Variants in CLHC1 observed in about 807,000 individuals in gnomAD.
The protein encoded by CLHC1 is clathrin heavy chain linker domain-containing protein 1.
In CLHC1, 72 loss-of-function variants were observed where a neutral mutation model predicts 69.5. The ratio of observed to expected loss-of-function variants is 1.04; its 90% CI spans 0.86 to 1.26. CLHC1 has a LOEUF of 1.26. CLHC1 is among the 50% of genes most tolerant of loss of function. The pLI is 0.00. For missense variants in CLHC1, 790 were observed against 679.3 expected, an observed-to-expected ratio of 1.16 and a Z score of -1.81; for synonymous variants, 223 against 224.3, an observed-to-expected ratio of 0.99 and a Z score of 0.05.
intron 7 of CLHC1, 42 bp downstream of exon 7, chr2:55,209,362 T>C: frequency 8.0e-7 from 1 of 1,255,114 alleles, no homozygotes. Flanking sequence ...GAAAAAAATG[T>C]CTTCCATTAT....
At chr2:55,217,586 C>A (rs1280413078) in intron 4 of CLHC1, among the ~76,000 whole-genome samples, 12 of 75,172 alleles carry the variant, frequency 1.6e-4, no homozygotes, top group African/African-American at 2.4e-4. Context: ...TATATATATA[C>A]TAAGAGGTAC....
rs186503748 is a variant in CLHC1 at position 55,224,370 on chromosome 2, G to A, written c.-82-1877C>T. ...CTCCCTCCTGCTACTTGGGGCAGAAGCTCCCCCGACACCCAGTGGATGGTC... is the reference window on the plus strand; with the variant it reads ...CTCCCTCCTGCTACTTGGGGCAGAAACTCCCCCGACACCCAGTGGATGGTC... On this transcript the variant is annotated intron_variant, in intron 2 of 12. Transcript: ENST00000401408. The A allele has an allele frequency of 8.8e-4, 388 of 442,112 alleles. 1 individual carries two copies. The highest frequency in any genetic ancestry group is 7.3e-3 in the African/African-American group (361 of 49,542). 27.4% of individuals were successfully genotyped at this position (442,112 alleles called of 1,614,324 possible). A position where few individuals can be genotyped will look rare whatever the true frequency, so the allele number is the denominator to read the frequency against.
At chr2:55,176,049 T>A (rs1558436977) in intron 12 of CLHC1, 63 bp from the exon 13 acceptor site, 1 of 1,338,538 alleles carries the variant, frequency 7.5e-7, no homozygotes, top group South Asian at 1.3e-5. Flanking sequence ...CTTTAGTGAT[T>A]CTTCAAAAAT....
chr2:55,173,278 G>C lies in CLHC1; in HGVS notation c.*2512C>G, dbSNP rs1222074036. 3.9e-5 allele frequency among the ~76,000 whole-genome samples: 6 copies of C among 152,216 alleles called. No homozygotes were observed. The highest frequency in any genetic ancestry group is 1.4e-4 in the African/African-American group (6 of 41,456). On this transcript the variant is annotated 3_prime_UTR_variant, in exon 13 of 13. Coordinates refer to ENST00000401408, the MANE Select transcript of CLHC1 (RefSeq NM_152385.4). ...ACTGGTGAAATTTGAATATGGACTG[G>C]CTATTAGATAATGCTAAGGAATTAT...
In CLHC1 at chr2:55,181,735, T is replaced by C; in HGVS notation, c.1016A>G (p.Lys339Arg). Residue 339 changes from lysine to arginine, a missense_variant, in exon 10 of 13, where the codon AAA becomes AGA. By Grantham distance (26) the Lys-to-Arg change is conservative. Transcript: ENST00000401408. ...TAATGGAAGAGGCTTTCCTCTAATT[T>C]TTCCAACAGCTACAGAAAGGAGAAA... ...GTMNTFKAVGKIRGKPLPLLL... is the reference protein window; with the variant it reads ...GTMNTFKAVGRIRGKPLPLLL... 2.5e-6 allele frequency: 4 copies of C among 1,611,240 alleles called. No homozygotes were observed. Among genetic ancestry groups the C allele is most frequent in the Non-Finnish European group, 2.5e-6 (3 of 1,179,286 alleles).
intron 12 of CLHC1, among the ~76,000 whole-genome samples, chr2:55,176,985 C>T (rs1558438387): frequency 6.6e-6 from 1 of 152,112 alleles, no homozygotes. Context: ...GCGATCCTTC[C>T]ACCTCATCCT....
At chr2:55,199,140 A>G (rs1035756833) in intron 9 of CLHC1, among the ~76,000 whole-genome samples, 1 of 151,794 alleles carries the variant, frequency 6.6e-6, no homozygotes, top group Non-Finnish European at 1.5e-5. Flanking sequence ...CTACTAAAAT[A>G]CAAAAAACTA....
intron 9 of CLHC1, among the ~76,000 whole-genome samples, chr2:55,202,897 C>CAAA (rs34307486): frequency 1.1e-5 from 1 of 93,398 alleles, no homozygotes; most frequent in African/African-American, 3.7e-5. Flanking sequence ...AGACTCATCT[C>CAAA]AAAAAAAAAA....
chr2:55,226,736 A>T (rs1292704879), intron 2 of CLHC1, among the ~76,000 whole-genome samples: 1 of 152,224 alleles, frequency 6.6e-6, no homozygotes, highest in Non-Finnish European at 1.5e-5. Context: ...AATTCAAGTG[A>T]TTCTCCTGCC....
At chr2:55,181,804 A>G (rs1436448933) in intron 9 of CLHC1, 60 bp from the exon 10 acceptor site, 1 of 1,280,554 alleles carries the variant, frequency 7.8e-7, no homozygotes, top group Non-Finnish European at 1.1e-6. Context: ...GCTTTTTCTT[A>G]TCTCATATTA....
At chr2:55,212,280 A>C (rs768901442) in intron 5 of CLHC1, among the ~76,000 whole-genome samples, 4 of 152,194 alleles carry the variant, frequency 2.6e-5, no homozygotes, top group Non-Finnish European at 5.9e-5. Context: ...TAGGTCTCAA[A>C]AAAGAAAAGA....
chr2:55,181,487 T>C (rs1249021246), intron 10 of CLHC1, 83 bp downstream of exon 10: 10 of 1,068,546 alleles, frequency 9.4e-6, no homozygotes, highest in Non-Finnish European at 1.2e-5. Context: ...AAGTAACATA[T>C]TGATAAAGCT....
intron 9 of CLHC1, among the ~76,000 whole-genome samples, chr2:55,190,766 T>G (rs1279566933): frequency 6.6e-6 from 1 of 152,192 alleles, no homozygotes; most frequent in Non-Finnish European, 1.5e-5. Flanking sequence ...CTGACATCCC[T>G]GAATCGGTGA....
chr2:55,214,822 T>G (rs937222394), intron 4 of CLHC1: 3 of 152,188 alleles, frequency 2.0e-5, no homozygotes, highest in Non-Finnish European at 4.4e-5. Flanking sequence ...AACAGATGAA[T>G]GGATAAACAA....
rs77983656 is a variant in CLHC1 at position 55,230,322 on chromosome 2, A to C, written c.-256+1901T>G. On this transcript the variant is annotated intron_variant, in intron 1 of 12. Coordinates refer to ENST00000401408, the MANE Select transcript of CLHC1 (RefSeq NM_152385.4). Reference sequence around the variant, plus strand: ...AAAGAACAGTCAAGGATAATCATAAAGTTTTTGGCCTTAGTGACTGGAGAA... The same window carrying C: ...AAAGAACAGTCAAGGATAATCATAACGTTTTTGGCCTTAGTGACTGGAGAA... Among the ~76,000 whole-genome samples the C allele has an allele frequency of 2.2e-3, 338 of 152,314 alleles. 2 individuals are homozygous for C. Among genetic ancestry groups the C allele is most frequent in the African/African-American group, 7.9e-3 (329 of 41,570 alleles).
intron 9 of CLHC1, among the ~76,000 whole-genome samples, chr2:55,195,673 G>A (rs1671344738): frequency 6.6e-6 from 1 of 152,050 alleles, no homozygotes; most frequent in Non-Finnish European, 1.5e-5. Context: ...ATGGTGGCAG[G>A]CACCTGTAAT....
intron 4 of CLHC1, among the ~76,000 whole-genome samples, chr2:55,213,644 G>C (rs901921181): frequency 1.3e-5 from 2 of 152,162 alleles, no homozygotes; most frequent in African/African-American, 4.8e-5. Flanking sequence ...AAGACCAAAA[G>C]GTAGTATAAA....
At chr2:55,217,638 T>G (rs1203095345) in intron 4 of CLHC1, among the ~76,000 whole-genome samples, 173 bp downstream of exon 4, 1 of 136,398 alleles carries the variant, frequency 7.3e-6, no homozygotes. Flanking sequence ...TTAATTGAAG[T>G]AAGTAAACAA....
At chr2:55,195,626 AC>A (rs1272300461) in intron 9 of CLHC1, among the ~76,000 whole-genome samples, 1 of 152,044 alleles carries the variant, frequency 6.6e-6, no homozygotes, top group Non-Finnish European at 1.5e-5. Flanking sequence ...ACATGGTGAA[AC>A]CCCATCTCTA....
Sources: gnomAD v4.1 joint callset for allele counts (sites outside exome capture counted in the v4.1 genomes callset) on GRCh38, gnomAD v4.1.1 for gene constraint, MANE v1.5 for transcripts, NCBI Gene and HGNC (gene_info 2026-07-23, HGNC 2026-07-21) for gene names.